Variants in ZNF407 observed in about 807,000 individuals in gnomAD.
ZNF407 encodes zinc finger protein 407.
A neutral mutation model predicts 131.2 loss-of-function variants in ZNF407; 17 were observed. That is an observed-to-expected ratio of 0.13 (90% CI 0.09 to 0.19). ZNF407 has a LOEUF of 0.19. Among genes scored for constraint, ZNF407 ranks in the 10% least tolerant of loss-of-function variants. The pLI is 1.00. For missense variants in ZNF407, 2,681 were observed against 2,830.6 expected, an observed-to-expected ratio of 0.95 and a Z score of 1.20; for synonymous variants, 1,156 against 1,062.0, an observed-to-expected ratio of 1.09 and a Z score of -1.72.
At chr18:74,987,795 G>C (rs766034582) in intron 8 of ZNF407, among the ~76,000 whole-genome samples, 9 of 152,144 alleles carry the variant, frequency 5.9e-5, no homozygotes, top group Non-Finnish European at 1.2e-4. Context: ...ACACCGCTTA[G>C]AGGAGTTAAA....
intron 4 of ZNF407, among the ~76,000 whole-genome samples, chr18:74,875,883 A>G (rs986521620): frequency 1.3e-5 from 2 of 152,158 alleles, no homozygotes; most frequent in African/African-American, 4.8e-5. Context: ...TTTCTATTAC[A>G]TTTAAGATCT....
intron 4 of ZNF407, among the ~76,000 whole-genome samples, chr18:74,861,613 G>A (rs1057458033): frequency 5.3e-5 from 8 of 152,164 alleles, no homozygotes; most frequent in Non-Finnish European, 1.0e-4. Flanking sequence ...AGAATACATT[G>A]TATCTAATTA....
chr18:74,802,428 A>G (rs1365866838), intron 4 of ZNF407, among the ~76,000 whole-genome samples: 1 of 152,132 alleles, frequency 6.6e-6, no homozygotes, highest in Non-Finnish European at 1.5e-5. Context: ...AGGCATTTTT[A>G]TTTTGTTGCA....
chr18:74,658,867 T>C (rs1355614470), intron 3 of ZNF407, among the ~76,000 whole-genome samples: 1 of 152,198 alleles, frequency 6.6e-6, no homozygotes, highest in Non-Finnish European at 1.5e-5. Flanking sequence ...TAAATATATA[T>C]TTTAGCTTTC....
chr18:74,644,288 G>T (rs551024690), intron 3 of ZNF407, among the ~76,000 whole-genome samples: 1 of 149,076 alleles, frequency 6.7e-6, no homozygotes, highest in African/African-American at 2.5e-5. Flanking sequence ...TTAGGCACTT[G>T]ATGGATAGTT....
At chr18:74,934,665 ACATGGT>A (rs1386917280) in intron 8 of ZNF407, among the ~76,000 whole-genome samples, 1 of 152,160 alleles carries the variant, frequency 6.6e-6, no homozygotes, top group Non-Finnish European at 1.5e-5. Context: ...AATTAGCCGG[ACATGGT>A]GGCGCGTGCC....
intron 4 of ZNF407, among the ~76,000 whole-genome samples, chr18:74,801,919 C>T (rs1288023832): frequency 6.6e-6 from 1 of 152,154 alleles, no homozygotes; most frequent in Non-Finnish European, 1.5e-5. Context: ...AGCACATGAC[C>T]TTGCTAGAAG....
At chr18:75,046,612 G>A (rs1344783782) in intron 8 of ZNF407, among the ~76,000 whole-genome samples, 1 of 152,082 alleles carries the variant, frequency 6.6e-6, no homozygotes, top group Non-Finnish European at 1.5e-5. Context: ...CCGAACCGAG[G>A]GGTCCTGCCC....
chr18:74,917,552 C>T (rs1971789867), intron 7 of ZNF407, among the ~76,000 whole-genome samples: 1 of 152,066 alleles, frequency 6.6e-6, no homozygotes, highest in African/African-American at 2.4e-5. Context: ...TCCCCATATA[C>T]GTCTTACCTA....
intron 1 of ZNF407, among the ~76,000 whole-genome samples, chr18:74,600,194 A>T (rs546748478): frequency 3.9e-5 from 6 of 152,368 alleles, no homozygotes; most frequent in Admixed American, 2.0e-4. Context: ...CTTAAGCAGA[A>T]AAGGAATTTA....
In ZNF407 at chr18:74,890,018, A is replaced by G. The variant is rs1971362762; in HGVS notation, c.5229A>G (p.Arg1743=). 5 of 1,596,556 alleles carry G rather than the reference A, an allele frequency of 3.1e-6. No homozygotes were observed. The highest frequency in any genetic ancestry group is 1.3e-5 in the African/African-American group (1 of 74,582). Residue 1743 remains arginine (R), a synonymous_variant, in exon 7 of 9, where the codon AGA becomes AGG. Transcript: ENST00000299687. ...KRVHTGEKPY[R]CPWCDYRSNC... is the part of the protein sequence containing the mutation. ...TCCACACTGGAGAAAAGCCCTACAG[A>G]TGCCCCTGGTGTGACTACAGGTAAT...
chr18:74,598,747 A>T (rs887527381), intron 1 of ZNF407, among the ~76,000 whole-genome samples: 1 of 152,232 alleles, frequency 6.6e-6, no homozygotes, highest in Admixed American at 6.5e-5. Flanking sequence ...TGGGTTTCTC[A>T]GTAGATGCTC....
intron 6 of ZNF407, among the ~76,000 whole-genome samples, chr18:74,882,998 G>T (rs140900836): frequency 1.6e-3 from 244 of 152,366 alleles, no homozygotes; most frequent in Middle Eastern, 0.014. Flanking sequence ...GGGCAGGTCA[G>T]TGCCCATCGA....
At chr18:74,876,122 C>T (rs1971152664) in intron 4 of ZNF407, among the ~76,000 whole-genome samples, 2 of 152,180 alleles carry the variant, frequency 1.3e-5, no homozygotes, top group Admixed American at 6.5e-5. Flanking sequence ...AAAGTATACA[C>T]TCAACATCTC....
At chr18:74,909,787 T>C (rs1488791034) in intron 7 of ZNF407, among the ~76,000 whole-genome samples, 2 of 152,204 alleles carry the variant, frequency 1.3e-5, no homozygotes, top group Admixed American at 6.5e-5. Flanking sequence ...TTTATGATCT[T>C]TTGACTTGCA....
chr18:74,871,507 G>A (rs1330945795), intron 4 of ZNF407, among the ~76,000 whole-genome samples: 1 of 148,082 alleles, frequency 6.8e-6, no homozygotes, highest in African/African-American at 2.5e-5. Context: ...AGCAATACCT[G>A]TCAGTTTTTT....
intron 8 of ZNF407, among the ~76,000 whole-genome samples, chr18:74,988,664 AC>A (rs1386658369): frequency 6.8e-6 from 1 of 146,264 alleles, no homozygotes; most frequent in African/African-American, 2.8e-5. Context: ...AAATAAATAA[AC>A]AAACAAAAAA....
intron 3 of ZNF407, among the ~76,000 whole-genome samples, chr18:74,655,754 C>T (rs920938505): frequency 8.5e-5 from 13 of 152,090 alleles, no homozygotes; most frequent in African/African-American, 1.9e-4. Context: ...TTCATGCTCA[C>T]GTGTATAAAA....
At chr18:74,849,124 G>T (rs1276426350) in intron 4 of ZNF407, among the ~76,000 whole-genome samples, 2 of 148,972 alleles carry the variant, frequency 1.3e-5, no homozygotes, top group Non-Finnish European at 3.0e-5. Context: ...TGTCACTCAG[G>T]CTGGAGTGCA....
Sources: allele counts gnomAD v4.1 joint callset (sites outside exome capture counted in the v4.1 genomes callset), GRCh38; gene constraint gnomAD v4.1.1; transcripts MANE v1.5; gene names NCBI Gene and HGNC (gene_info 2026-07-23, HGNC 2026-07-21).